The following PALM2AKAP2 variants were observed in gnomAD, a reference collection of about 807,000 sequenced individuals.
PALM2AKAP2 encodes the protein PALM2-AKAP2 fusion protein.
A neutral mutation model predicts 71.5 loss-of-function variants in PALM2AKAP2; 37 were observed. The ratio of observed to expected loss-of-function variants is 0.52; its 90% CI spans 0.40 to 0.68. The LOEUF (loss-of-function observed/expected upper bound fraction) is 0.68. Ranked by LOEUF, PALM2AKAP2 falls within the 30% of genes least tolerant of loss-of-function variation. The probability of loss-of-function intolerance (pLI) is 0.00; values close to 1 mark genes in which losing one functional copy is unlikely to be tolerated. For missense variants in PALM2AKAP2, 1,224 were observed against 1,191.8 expected (o/e 1.03, Z -0.40); for synonymous variants, 468 against 478.8 (o/e 0.98, Z 0.29).
chr9:109,838,023 C>T (rs150546612), intron 1 of PALM2AKAP2, among the ~76,000 whole-genome samples: 2,103 of 152,124 alleles, frequency 0.014, 39 homozygotes, highest in African/African-American at 0.048. Flanking sequence ...CTGCACCAAG[C>T]GGACCTAATA....
At chr9:110,161,978 C>T (rs1836611625) in intron 3 of PALM2AKAP2, 116 bp from the exon 10 acceptor site, 1 of 1,385,612 alleles carries the variant, frequency 7.2e-7, no homozygotes. Context: ...AGAATGGCCT[C>T]CTGGTATTAC....
At chr9:109,742,632 T>C (rs546960803) in intron 1 of PALM2AKAP2, among the ~76,000 whole-genome samples, 6 of 152,352 alleles carry the variant, frequency 3.9e-5, no homozygotes, top group Admixed American at 3.3e-4. Context: ...TAGTCTCAGA[T>C]TTATGGGTCA....
chr9:109,917,072 C>G (rs1830711006), intron 3 of PALM2AKAP2, among the ~76,000 whole-genome samples: 1 of 152,096 alleles, frequency 6.6e-6, no homozygotes, highest in Non-Finnish European at 1.5e-5. Flanking sequence ...CTTTGTATAA[C>G]CACAAGATCC....
intron 1 of PALM2AKAP2, among the ~76,000 whole-genome samples, chr9:109,671,193 C>A (rs148052949): frequency 4.5e-4 from 69 of 152,210 alleles, no homozygotes; most frequent in African/African-American, 1.6e-3. Context: ...GTGCCTATGT[C>A]CTGAACATAT....
chr9:109,794,404 A>ATTT (rs57551115), intron 1 of PALM2AKAP2, among the ~76,000 whole-genome samples: 3,823 of 143,744 alleles, frequency 0.027, 164 homozygotes, highest in African/African-American at 0.089. Context: ...TTCCAGGTGT[A>ATTT]TTTTTTTTTT....
chr9:110,109,434 G>T (rs1316472434), intron 1 of PALM2AKAP2, among the ~76,000 whole-genome samples: 1 of 151,486 alleles, frequency 6.6e-6, no homozygotes, highest in South Asian at 2.1e-4. Context: ...TTCAGGGTGC[G>T]GTATTTGGAG....
Position 110,025,365 on chromosome 9 carries a change from G to A in PALM2AKAP2, c.582+9326G>A, listed in dbSNP as rs184939931. The A allele has an allele frequency of 6.2e-4, 629 of 1,010,536 alleles. 3 individuals carry two copies. The highest frequency in any genetic ancestry group is 3.7e-3 in the South Asian group (291 of 78,650). The allele number at this position is 1,010,536 out of a possible 1,614,324, so 62.6% of individuals were successfully genotyped here. ...TTCCCTTTGTGTTCGTCATTTTGGC[G>A]AATTACTGGAAGATGGAGGTTCCGC... On this transcript the variant is annotated intron_variant, in intron 7 of 9. Transcript: ENST00000302798.
chr9:109,867,002 A>G (rs1223475766), intron 1 of PALM2AKAP2: 1 of 456,284 alleles, frequency 2.2e-6, no homozygotes, highest in Non-Finnish European at 4.4e-6. Flanking sequence ...ATTTGAAACA[A>G]CGTCTGCTTA....
chr9:109,919,761 G>A (rs202101352), intron 3 of PALM2AKAP2, among the ~76,000 whole-genome samples: 14,432 of 141,692 alleles, frequency 0.1, 803 homozygotes, highest in East Asian at 0.18. Flanking sequence ...GTGTGTGTGT[G>A]TGTGTATATA....
chr9:109,883,233 G>T (rs965826662), intron 3 of PALM2AKAP2, among the ~76,000 whole-genome samples: 1 of 152,062 alleles, frequency 6.6e-6, no homozygotes, highest in Non-Finnish European at 1.5e-5. Context: ...TATCCTTTAC[G>T]TCCTTTACGT....
chr9:109,939,205 A>G (rs1039920807), intron 6 of PALM2AKAP2, among the ~76,000 whole-genome samples: 1 of 152,038 alleles, frequency 6.6e-6, no homozygotes, highest in Non-Finnish European at 1.5e-5. Context: ...TCTCTTTCCC[A>G]CTAAACTCCT....
intron 7 of PALM2AKAP2, among the ~76,000 whole-genome samples, chr9:110,022,869 G>C (rs1402332135): frequency 6.6e-6 from 1 of 151,986 alleles, no homozygotes; most frequent in East Asian, 1.9e-4. Context: ...GAGAATGATG[G>C]TTTCCAGTTT....
At chr9:109,830,735 G>T (rs1828273265) in intron 1 of PALM2AKAP2, among the ~76,000 whole-genome samples, 1 of 152,120 alleles carries the variant, frequency 6.6e-6, no homozygotes, top group South Asian at 2.1e-4. Flanking sequence ...CTGCTTTATG[G>T]TGTGTGCTGT....
At chr9:109,895,662 G>A (rs1830182202) in intron 3 of PALM2AKAP2, among the ~76,000 whole-genome samples, 1 of 152,126 alleles carries the variant, frequency 6.6e-6, no homozygotes, top group Non-Finnish European at 1.5e-5. Flanking sequence ...GTAAATGAGT[G>A]GCTTTTCTTT....
At chr9:109,964,024 C>T (rs978552826) in intron 6 of PALM2AKAP2, among the ~76,000 whole-genome samples, 1 of 152,198 alleles carries the variant, frequency 6.6e-6, no homozygotes, top group Non-Finnish European at 1.5e-5. Context: ...CGCAGGAATC[C>T]AAGAACTCAC....
chr9:110,006,369 T>TCTTTCTTTCTTC (rs1216285181), intron 6 of PALM2AKAP2, among the ~76,000 whole-genome samples: 2 of 148,516 alleles, frequency 1.3e-5, no homozygotes, highest in Non-Finnish European at 3.0e-5. Context: ...TTTCTTTCTT[T>TCTTTCTTTCTTC]CTTCTCTCTT....
intron 1 of PALM2AKAP2, among the ~76,000 whole-genome samples, chr9:110,103,550 G>C (rs765798803): frequency 1.3e-5 from 2 of 152,208 alleles, no homozygotes; most frequent in Non-Finnish European, 2.9e-5. Context: ...GGAGAGAAGA[G>C]GGGAATTCCA....
intron 1 of PALM2AKAP2, among the ~76,000 whole-genome samples, chr9:109,823,266 G>T (rs1232692070): frequency 2.0e-5 from 3 of 152,120 alleles, no homozygotes; most frequent in African/African-American, 7.2e-5. Flanking sequence ...TCCAACCAGA[G>T]ATGGTCAAAT....
At chr9:109,931,784 T>C in intron 5 of PALM2AKAP2, 143 bp from the exon 6 acceptor site, 1 of 896,230 alleles carries the variant, frequency 1.1e-6, no homozygotes, top group South Asian at 1.6e-5. Flanking sequence ...GGGCAAATGC[T>C]TGTCTTTGTT....
Sources: gnomAD v4.1 joint callset for allele counts (sites outside exome capture counted in the v4.1 genomes callset) on GRCh38, gnomAD v4.1.1 for gene constraint, MANE v1.5 for transcripts, NCBI Gene and HGNC (gene_info 2026-07-23, HGNC 2026-07-21) for gene names.